NXPE2: variants seen among roughly 807,000 people sequenced by gnomAD.
The protein encoded by NXPE2 is neurexophilin and PC-esterase domain family member 2.
A neutral mutation model predicts 34.4 loss-of-function variants in NXPE2; 34 were observed. That is an observed-to-expected ratio of 0.99 (90% CI 0.75 to 1.31). The LOEUF (loss-of-function observed/expected upper bound fraction) is 1.31, where lower values mean the gene tolerates loss of function less well. Ranked by LOEUF, NXPE2 falls within the 40% of genes most tolerant of loss-of-function variation. The pLI, the probability that NXPE2 is intolerant of heterozygous loss-of-function variation, is 0.00. For synonymous variants in NXPE2, 235 were observed against 231.3 expected (o/e 1.02, Z -0.15); for missense variants, 649 against 672.5 (o/e 0.97, Z 0.39).
chr11:114,605,894 A>G, the NXPE2 span, among the ~76,000 whole-genome samples: 8 of 136,248 alleles, frequency 5.9e-5, 1 homozygote, highest in African/African-American at 2.2e-4. Context: ...TGCATAACCA[A>G]TGTTACCCGG....
the NXPE2 span, among the ~76,000 whole-genome samples, chr11:114,614,297 T>C: frequency 6.6e-6 from 1 of 151,456 alleles, no homozygotes; most frequent in South Asian, 2.1e-4. Flanking sequence ...ACCCGGTGGA[T>C]AGTAAGTATT....
At chr11:114,514,518 A>G in the NXPE2 span, among the ~76,000 whole-genome samples, 2 of 151,946 alleles carry the variant, frequency 1.3e-5, no homozygotes, top group African/African-American at 4.8e-5. Flanking sequence ...CCTCCCAGGT[A>G]GCTGGGACCA....
At chr11:114,686,528 C>T (rs1951051577) in intron 2 of NXPE2, among the ~76,000 whole-genome samples, 1 of 151,998 alleles carries the variant, frequency 6.6e-6, no homozygotes, top group African/African-American at 2.4e-5. Context: ...TTGTTGGGCA[C>T]CTGGGTTGAT....
the NXPE2 span, among the ~76,000 whole-genome samples, chr11:114,789,838 T>A: frequency 6.6e-6 from 1 of 152,204 alleles, no homozygotes; most frequent in African/African-American, 2.4e-5. Context: ...CTCATCTGTT[T>A]CATTACTCCC....
intron 2 of NXPE2, among the ~76,000 whole-genome samples, chr11:114,686,619 A>T (rs2135541231): frequency 6.6e-6 from 1 of 152,194 alleles, no homozygotes; most frequent in East Asian, 1.9e-4. Context: ...TTTATTTTCC[A>T]TTGGGTATAT....
the NXPE2 span, among the ~76,000 whole-genome samples, chr11:114,759,961 A>C: frequency 1.7e-4 from 26 of 152,154 alleles, no homozygotes; most frequent in Admixed American, 1.7e-3. Context: ...TCTGGGGTCT[A>C]TGCTTAACAC....
chr11:114,728,552 A>G, the NXPE2 span, among the ~76,000 whole-genome samples: 2 of 152,024 alleles, frequency 1.3e-5, no homozygotes, highest in Non-Finnish European at 2.9e-5. Context: ...CTGTTAGTCC[A>G]TTTTCTTTCT....
At chr11:114,511,012 A>G in the NXPE2 span, among the ~76,000 whole-genome samples, 1 of 152,198 alleles carries the variant, frequency 6.6e-6, no homozygotes, top group Admixed American at 6.5e-5. Context: ...AACTGTGTGA[A>G]GAGAATGAAA....
chr11:114,741,713 T>C, the NXPE2 span, among the ~76,000 whole-genome samples: 1 of 152,232 alleles, frequency 6.6e-6, no homozygotes, highest in Non-Finnish European at 1.5e-5. Flanking sequence ...TCATGTGTTG[T>C]GTTTCTAAAT....
At chr11:114,670,890 AG>A in the NXPE2 span, among the ~76,000 whole-genome samples, 1 of 151,720 alleles carries the variant, frequency 6.6e-6, no homozygotes, top group Non-Finnish European at 1.5e-5. Context: ...CGCCTCTGAG[AG>A]GGCCAAGTTG....
chr11:114,480,239 G>A, the NXPE2 span, among the ~76,000 whole-genome samples: 1 of 140,902 alleles, frequency 7.1e-6, no homozygotes, highest in African/African-American at 2.7e-5. Context: ...ATGTCAGACT[G>A]TTTTGGTCAA....
At chr11:114,615,194 C>G in the NXPE2 span, among the ~76,000 whole-genome samples, 1 of 151,980 alleles carries the variant, frequency 6.6e-6, no homozygotes, top group African/African-American at 2.4e-5. Context: ...TCGTTGGTAA[C>G]CACTGTTAGC....
the NXPE2 span, among the ~76,000 whole-genome samples, chr11:114,810,912 A>T: frequency 6.6e-6 from 1 of 152,136 alleles, no homozygotes; most frequent in Non-Finnish European, 1.5e-5. Context: ...GGCACTATTC[A>T]CAATAGCAAA....
At chr11:114,739,280 TTTCCTTCC>T in the NXPE2 span, among the ~76,000 whole-genome samples, 1,351 of 96,838 alleles carry the variant, frequency 0.014, 32 homozygotes, top group East Asian at 0.056. Flanking sequence ...TTGCCATTAT[TTTCCTTCC>T]TTCCTTCCTT....
chr11:114,641,227 A>T, the NXPE2 span, among the ~76,000 whole-genome samples: 13 of 152,150 alleles, frequency 8.5e-5, no homozygotes, highest in African/African-American at 3.1e-4. Context: ...AACATGAAAG[A>T]CAAGTTTAAA....
chr11:114,703,542 G>C (rs777104049), intron 3 of NXPE2, among the ~76,000 whole-genome samples: 1 of 152,178 alleles, frequency 6.6e-6, no homozygotes, highest in Non-Finnish European at 1.5e-5. Flanking sequence ...GCTCAAGTTT[G>C]AGAAACACTA....
At chr11:114,555,109 C>CT in the NXPE2 span, among the ~76,000 whole-genome samples, 7 of 150,060 alleles carry the variant, frequency 4.7e-5, no homozygotes, top group African/African-American at 7.4e-5. Flanking sequence ...ATTTGTGGTT[C>CT]TTTTTTTTGT....
the NXPE2 span, among the ~76,000 whole-genome samples, chr11:114,725,655 T>G: frequency 1.3e-5 from 2 of 152,048 alleles, no homozygotes; most frequent in Non-Finnish European, 2.9e-5. Context: ...GTTGAGATCC[T>G]TGATATCTAT....
the NXPE2 span, among the ~76,000 whole-genome samples, chr11:114,588,061 C>T: frequency 6.6e-6 from 1 of 152,192 alleles, no homozygotes; most frequent in African/African-American, 2.4e-5. Flanking sequence ...GCACAATCAG[C>T]TCAGCTCTTT....
Sources: gnomAD v4.1 joint callset for allele counts (sites outside exome capture counted in the v4.1 genomes callset) on GRCh38, gnomAD v4.1.1 for gene constraint, MANE v1.5 for transcripts, NCBI Gene and HGNC (gene_info 2026-07-23, HGNC 2026-07-21) for gene names.